MGAT4C: variants seen among roughly 807,000 people sequenced by gnomAD.
MGAT4C encodes MGAT4 family member C, also known as alpha-1,3-mannosyl-glycoprotein 4-beta-N-acetylglucosaminyltransferase C.
A neutral mutation model predicts 40.1 loss-of-function variants in MGAT4C; 19 were observed. The ratio of observed to expected loss-of-function variants is 0.47; its 90% CI spans 0.33 to 0.70. MGAT4C has a LOEUF of 0.70. Among genes scored for constraint, MGAT4C ranks in the 30% least tolerant of loss-of-function variants. The pLI is 0.02. For synonymous variants in MGAT4C, 181 were observed against 187.1 expected (o/e 0.97, Z 0.27); for missense variants, 491 against 563.2 (o/e 0.87, Z 1.30).
chr12:86,200,533 T>C (rs1950011838), intron 1 of MGAT4C, among the ~76,000 whole-genome samples: 1 of 152,146 alleles, frequency 6.6e-6, no homozygotes, highest in African/African-American at 2.4e-5. Context: ...GTTGTTTCAA[T>C]TTTAGGCCTT....
intron 3 of MGAT4C, among the ~76,000 whole-genome samples, chr12:86,356,547 G>C (rs963957993): frequency 1.3e-5 from 2 of 152,092 alleles, no homozygotes; most frequent in African/African-American, 2.4e-5. Flanking sequence ...GAAGCACAAG[G>C]CGTCTGGGAA....
At chr12:86,507,008 G>A (rs1958483283) in intron 2 of MGAT4C, among the ~76,000 whole-genome samples, 2 of 152,164 alleles carry the variant, frequency 1.3e-5, no homozygotes. Context: ...TTGGGAGACT[G>A]AGAATTAGAA....
intron 2 of MGAT4C, chr12:86,015,704 C>T (rs1267355413): frequency 6.6e-6 from 1 of 152,202 alleles, no homozygotes; most frequent in Non-Finnish European, 1.5e-5. Context: ...GAGCTGTCAA[C>T]TCCAATGGTC....
chr12:86,277,432 C>T (rs904193754), intron 4 of MGAT4C, among the ~76,000 whole-genome samples: 2 of 152,060 alleles, frequency 1.3e-5, no homozygotes, highest in African/African-American at 4.8e-5. Flanking sequence ...GTTTTGATTG[C>T]CTGTGCTTGT....
chr12:86,034,599 C>CT (rs1891056004), intron 2 of MGAT4C, among the ~76,000 whole-genome samples: 1 of 147,834 alleles, frequency 6.8e-6, no homozygotes, highest in African/African-American at 2.4e-5. Flanking sequence ...TTTTATTATA[C>CT]TTTAAGTTCT....
chr12:86,734,249 A>T (rs1393797066), intron 1 of MGAT4C, among the ~76,000 whole-genome samples: 1 of 152,244 alleles, frequency 6.6e-6, no homozygotes, highest in Admixed American at 6.6e-5. Context: ...TTAGGTCGAG[A>T]CAAAGCATGC....
chr12:85,978,777 C>T lies in MGAT4C; in HGVS notation c.*512G>A, dbSNP rs1483446555. 1 of 151,522 alleles carries T rather than the reference C, an allele frequency of 6.6e-6. No individual in the cohort carries two copies. Among genetic ancestry groups the T allele is most frequent in the Non-Finnish European group, 1.5e-5 (1 of 67,684 alleles). The allele number at this position is 151,522 out of a possible 1,614,324, so 9.4% of individuals were successfully genotyped here. ...CACAAAAAATTATGTAAAGACACCACTTCTATGAGGAGGTATTCATTGTAG... is the reference window on the plus strand; with the variant it reads ...CACAAAAAATTATGTAAAGACACCATTTCTATGAGGAGGTATTCATTGTAG... On this transcript the variant is annotated 3_prime_UTR_variant, in exon 5 of 5. Coordinates refer to ENST00000611864, the MANE Select transcript of MGAT4C (RefSeq NM_001351288.2).
At position 86,175,380 on chromosome 12, in the gene MGAT4C, C is replaced by G. The variant is rs868861471; in HGVS notation, c.-57+80859G>C. Among the ~76,000 whole-genome samples the G allele has an allele frequency of 2.6e-5, 4 of 152,188 alleles. No individual in the cohort carries two copies. The South Asian group carries it at 6.2e-4, about 24-fold the overall frequency. ...CCTGTTCAAACATTGCTTTTACATC[C>G]TAAATTTCTCTTAAATCCACTCAAT... On this transcript the variant is annotated intron_variant, in intron 1 of 4. Transcript: ENST00000611864.
chr12:86,590,908 A>C (rs1166276387), intron 2 of MGAT4C, among the ~76,000 whole-genome samples: 1 of 152,018 alleles, frequency 6.6e-6, no homozygotes, highest in East Asian at 1.9e-4. Context: ...CCTGAAATGC[A>C]TCAAGAAGGC....
chr12:86,491,802 T>C (rs1471117346), intron 2 of MGAT4C, among the ~76,000 whole-genome samples: 3 of 151,256 alleles, frequency 2.0e-5, no homozygotes, highest in African/African-American at 4.9e-5. Context: ...CCAGGGCAAT[T>C]AGGCAGGAGA....
At chr12:86,030,799 T>C (rs1422673809) in intron 2 of MGAT4C, among the ~76,000 whole-genome samples, 2 of 151,764 alleles carry the variant, frequency 1.3e-5, no homozygotes, top group African/African-American at 4.8e-5. Context: ...TTAGTTCAAT[T>C]ACAACTTTAT....
chr12:86,575,764 G>A (rs575536001), intron 2 of MGAT4C, among the ~76,000 whole-genome samples: 1 of 151,900 alleles, frequency 6.6e-6, no homozygotes, highest in Admixed American at 6.6e-5. Flanking sequence ...TCAATTTTTA[G>A]TTAATTGAGG....
intron 2 of MGAT4C, among the ~76,000 whole-genome samples, chr12:86,443,205 T>TACACACACACAC (rs199586329): frequency 2.0e-4 from 30 of 150,414 alleles, no homozygotes; most frequent in African/African-American, 7.3e-4. Context: ...TGTATATATA[T>TACACACACACAC]ACACACACAC....
At chr12:86,413,240 G>C (rs184207987) in intron 3 of MGAT4C, among the ~76,000 whole-genome samples, 1 of 152,146 alleles carries the variant, frequency 6.6e-6, no homozygotes, top group Non-Finnish European at 1.5e-5. Context: ...ATTAATGTGG[G>C]AAGTACTATC....
At chr12:86,820,184 A>AT (rs922435033) in intron 1 of MGAT4C, among the ~76,000 whole-genome samples, 2 of 150,798 alleles carry the variant, frequency 1.3e-5, no homozygotes, top group Non-Finnish European at 3.0e-5. Context: ...AAATATATGT[A>AT]TTTTTTCTAC....
chr12:86,622,863 T>G (rs1444265734), intron 2 of MGAT4C, among the ~76,000 whole-genome samples: 1 of 152,052 alleles, frequency 6.6e-6, no homozygotes, highest in Non-Finnish European at 1.5e-5. Context: ...GACAAGTATA[T>G]TAAACCAGCT....
At chr12:86,358,177 A>G (rs1955361929) in intron 3 of MGAT4C, among the ~76,000 whole-genome samples, 1 of 152,202 alleles carries the variant, frequency 6.6e-6, no homozygotes, top group Non-Finnish European at 1.5e-5. Flanking sequence ...CCAATATACA[A>G]CATTCTTAAA....
At chr12:86,720,413 T>C (rs1254092908) in intron 2 of MGAT4C, among the ~76,000 whole-genome samples, 2 of 152,204 alleles carry the variant, frequency 1.3e-5, no homozygotes, top group Non-Finnish European at 2.9e-5. Context: ...CTTGACCTCC[T>C]AATGGGAAGG....
At chr12:86,665,239 A>G (rs549284304) in intron 2 of MGAT4C, among the ~76,000 whole-genome samples, 1 of 152,290 alleles carries the variant, frequency 6.6e-6, no homozygotes, top group African/African-American at 2.4e-5. Flanking sequence ...GCCAGCCCCA[A>G]GTGAGGTGGA....
Sources: gnomAD v4.1 joint callset for allele counts (sites outside exome capture counted in the v4.1 genomes callset) on GRCh38, gnomAD v4.1.1 for gene constraint, MANE v1.5 for transcripts, NCBI Gene and HGNC (gene_info 2026-07-23, HGNC 2026-07-21) for gene names.